The following CKAP5 variants were observed in gnomAD, a reference collection of about 807,000 sequenced individuals.
CKAP5 encodes the protein cytoskeleton-associated protein 5.
In CKAP5, 27 loss-of-function variants were observed where a neutral mutation model predicts 232.8. The observed-to-expected ratio is 0.12, with a 90% CI of 0.09 to 0.16. The LOEUF is 0.16. CKAP5 is among the 10% of genes least tolerant of loss of function. CKAP5 has a pLI of 1.00. For missense variants in CKAP5, 1,838 were observed against 2,424.7 expected (o/e 0.76, Z 5.08); for synonymous variants, 785 against 841.1 (o/e 0.93, Z 1.16).
At chr11:46,767,494 TG>T in intron 27 of CKAP5, 80 bp downstream of exon 27, 1 of 847,634 alleles carries the variant, frequency 1.2e-6, no homozygotes, top group Non-Finnish European at 1.9e-6. Flanking sequence ...ATATATAATA[TG>T]ATCCTTCCTA....
At chr11:46,768,441 T>C (rs2065222415) in intron 26 of CKAP5, among the ~76,000 whole-genome samples, 1 of 151,824 alleles carries the variant, frequency 6.6e-6, no homozygotes, top group African/African-American at 2.4e-5. Flanking sequence ...CCTCTCAAAG[T>C]GGTGGAATTA....
intron 12 of CKAP5, among the ~76,000 whole-genome samples, chr11:46,796,468 A>G (rs1938877950): frequency 6.6e-6 from 1 of 152,186 alleles, no homozygotes; most frequent in Non-Finnish European, 1.5e-5. Flanking sequence ...AGCTATTTCT[A>G]CAATTATCAC....
At position 46,750,402 on chromosome 11, in the gene CKAP5, T is replaced by C. The variant is rs779324714; in HGVS notation, c.5576A>G (p.Lys1859Arg). The change falls in exon 42 of 44, where the codon AAA (lysine) becomes AGA (arginine). Residue 1859 changes from lysine to arginine, a missense_variant. Transcript: ENST00000529230. ...GLAELYEYKK[K>R]YSDADIEPFL... ...TGGTTCAATGTCAGCATCTGAGTAT[T>C]TCTTCTTATATTCATATAACTCTGC... The C allele has an allele frequency of 1.2e-6, 2 of 1,614,174 alleles. No homozygotes were observed. Among genetic ancestry groups the C allele is most frequent in the Non-Finnish European group, 1.7e-6 (2 of 1,180,002 alleles).
chr11:46,792,649 G>A lies in CKAP5; in HGVS notation c.1651-2066C>T, dbSNP rs181468587. Among the ~76,000 whole-genome samples the A allele has an allele frequency of 2.7e-3, 417 of 152,256 alleles. 2 individuals are homozygous for A. Among genetic ancestry groups the A allele is most frequent in the African/African-American group, 9.5e-3 (395 of 41,556 alleles). ...TGATAGCTGGCTCAGTGGCTCACGT[G>A]CTGCTGATATTGTCCTACTTATCTT... is the stretch of plus-strand genomic sequence containing the variant. On this transcript the variant is annotated intron_variant, in intron 13 of 43. Transcript: ENST00000529230.
At chr11:46,752,128 A>G (rs964175146) in intron 38 of CKAP5, among the ~76,000 whole-genome samples, 3 of 143,884 alleles carry the variant, frequency 2.1e-5, no homozygotes, top group African/African-American at 7.6e-5. Context: ...CTTAGAATAT[A>G]AATTGTAGGA....
At chr11:46,751,990 CT>C (rs1337274368) in intron 38 of CKAP5, among the ~76,000 whole-genome samples, 2 of 151,710 alleles carry the variant, frequency 1.3e-5, no homozygotes, top group African/African-American at 4.8e-5. Context: ...CTGTAGATAT[CT>C]TTTTCCCCAA....
chr11:46,762,350 A>C (rs2065162402), intron 31 of CKAP5, 157 bp from the exon 32 acceptor site: 1 of 920,722 alleles, frequency 1.1e-6, no homozygotes, highest in East Asian at 2.4e-5. Flanking sequence ...CAGTGAAAAA[A>C]TGGTATTTCA....
At chr11:46,754,224 C>A (rs2065093604) in intron 36 of CKAP5, among the ~76,000 whole-genome samples, 1 of 152,092 alleles carries the variant, frequency 6.6e-6, no homozygotes, top group African/African-American at 2.4e-5. Context: ...ATCTTGAACT[C>A]CTGACATTGT....
At chr11:46,758,667 ACTGTACTCCAGC>A (rs2065129593) in intron 35 of CKAP5, 1 of 326,960 alleles carries the variant, frequency 3.1e-6, no homozygotes, top group Non-Finnish European at 5.6e-6. Flanking sequence ...GTGAATAGCC[ACTGTACTCCAGC>A]CTGGACAACA....
intron 4 of CKAP5, 77 bp from the exon 5 acceptor site, chr11:46,811,255 CAT>C: frequency 4.4e-6 from 5 of 1,149,288 alleles, no homozygotes; most frequent in Non-Finnish European, 6.2e-6. Context: ...TTCATTCAAA[CAT>C]AGTTCCATAT....
At chr11:46,772,465 A>T (rs2065255680) in intron 24 of CKAP5, among the ~76,000 whole-genome samples, 1 of 152,128 alleles carries the variant, frequency 6.6e-6, no homozygotes, top group African/African-American at 2.4e-5. Context: ...ATCTGTTTTG[A>T]GACAGTGAGG....
intron 4 of CKAP5, 147 bp downstream of exon 4, chr11:46,816,051 G>A (rs1939391182): frequency 1.6e-6 from 1 of 626,934 alleles, no homozygotes. Context: ...TCCTTATGAG[G>A]TGGAACTGTT....
intron 15 of CKAP5, 90 bp downstream of exon 15, chr11:46,789,986 C>T (rs1938673122): frequency 1.2e-6 from 1 of 810,598 alleles, no homozygotes; most frequent in Non-Finnish European, 2.0e-6. Flanking sequence ...TTATAAAACA[C>T]AGCAATTAGG....
chr11:46,760,619 T>G lies in CKAP5; in HGVS notation c.4387A>C (p.Lys1463Gln), dbSNP rs1161514217. 5 of 1,614,160 alleles carry G rather than the reference T, an allele frequency of 3.1e-6. No homozygotes were observed. Among genetic ancestry groups the G allele is most frequent in the Non-Finnish European group, 4.2e-6 (5 of 1,179,996 alleles). ...RKGPAEDMSS[K>Q]LNQARSMSGH... is the part of the protein sequence containing the mutation. Reference sequence around the variant, plus strand: ...GTATCTCTATCTACATACTTGAGTTTGGAAGACATGTCCTCAGCTGGTCCC... The same window carrying G: ...GTATCTCTATCTACATACTTGAGTTGGGAAGACATGTCCTCAGCTGGTCCC... The change falls in exon 33 of 44, where the codon AAA becomes CAA. Residue 1463 changes from lysine to glutamine, a missense_variant. Coordinates refer to ENST00000529230, the MANE Select transcript of CKAP5 (RefSeq NM_001008938.4).
chr11:46,820,371 G>C (rs1939498864), intron 2 of CKAP5, among the ~76,000 whole-genome samples: 1 of 152,034 alleles, frequency 6.6e-6, no homozygotes, highest in Non-Finnish European at 1.5e-5. Context: ...AGGGACCATG[G>C]CTCCAAATTT....
In CKAP5 at chr11:46,801,214, G is replaced by T; in HGVS notation, c.1069C>A (p.Gln357Lys). 6.2e-7 allele frequency: 1 copy of T among 1,612,530 alleles called. No homozygotes were observed. Among genetic ancestry groups the T allele is most frequent in the Middle Eastern group, 1.7e-4 (1 of 6,056 alleles). Residue 357 changes from glutamine to lysine, a missense_variant, in exon 9 of 44, where the codon CAA (glutamine) becomes AAA (lysine). Physicochemically the swap from Gln to Lys is moderately conservative, Grantham distance 53 (BLOSUM62 1). This residue lies in a region of CKAP5 where 97 missense variants were observed against 167.7 expected (regional missense o/e 0.58). Coordinates refer to ENST00000529230, the MANE Select transcript of CKAP5 (RefSeq NM_001008938.4). ...LAVGLRKKFG[Q>K]YAGHVVPTIL... is the part of the protein sequence containing the mutation. ...GTGTTACTTACATGTCCTGCATATT[G>T]TCCAAATTTCTTCCTTAGCCCAACA... is the stretch of plus-strand genomic sequence containing the variant.
At chr11:46,760,559 C>T (rs2065145518) in intron 33 of CKAP5, 53 bp downstream of exon 33, 1 of 1,571,778 alleles carries the variant, frequency 6.4e-7, no homozygotes, top group Non-Finnish European at 8.7e-7. Flanking sequence ...GCTGTGAGCA[C>T]ACAAGGCAAA....
At chr11:46,838,793 CA>C (rs71042626) in intron 1 of CKAP5, among the ~76,000 whole-genome samples, 15 of 45,928 alleles carry the variant, frequency 3.3e-4, no homozygotes, top group African/African-American at 1.6e-3. Context: ...GACCCCATCT[CA>C]AAAAAAAAAA....
At chr11:46,806,948 T>G (rs2134666849) in intron 8 of CKAP5, among the ~76,000 whole-genome samples, 1 of 152,328 alleles carries the variant, frequency 6.6e-6, no homozygotes, top group Non-Finnish European at 1.5e-5. Flanking sequence ...TGTTTTTGCA[T>G]TTTTGTGTTT....
Sources: allele counts gnomAD v4.1 joint callset (sites outside exome capture counted in the v4.1 genomes callset), GRCh38; gene constraint gnomAD v4.1.1; regional missense constraint gnomAD v4.1.1; transcripts MANE v1.5; gene names NCBI Gene and HGNC (gene_info 2026-07-23, HGNC 2026-07-21).